UBE2W: variants seen among roughly 807,000 people sequenced by gnomAD.
The protein encoded by UBE2W is ubiquitin-conjugating enzyme E2 W.
In UBE2W, 18 loss-of-function variants were observed where a neutral mutation model predicts 27.2. The ratio of observed to expected loss-of-function variants is 0.66; its 90% confidence interval spans 0.46 to 0.98. UBE2W has a LOEUF of 0.98. UBE2W is among the 50% of genes least tolerant of loss of function. The pLI, the probability that UBE2W is intolerant of heterozygous loss-of-function variation, is 0.00. For synonymous variants in UBE2W, 53 were observed against 57.2 expected (o/e 0.93, Z 0.33); for missense variants, 90 against 180.2 (o/e 0.50, Z 2.87).
intron 1 of UBE2W, among the ~76,000 whole-genome samples, chr8:73,844,948 T>C (rs374529479): frequency 6.6e-4 from 98 of 148,750 alleles, no homozygotes; most frequent in African/African-American, 2.4e-3. Context: ...CCCCTCCGCC[T>C]GGCAGCCGCC....
At chr8:73,835,384 C>G (rs1464103717) in intron 1 of UBE2W, among the ~76,000 whole-genome samples, 1 of 152,132 alleles carries the variant, frequency 6.6e-6, no homozygotes, top group Non-Finnish European at 1.5e-5. Context: ...CAGAGCTGAT[C>G]TGTGTGACCA....
At chr8:73,836,531 T>C (rs1016236677) in intron 1 of UBE2W, among the ~76,000 whole-genome samples, 1 of 152,192 alleles carries the variant, frequency 6.6e-6, no homozygotes, top group Admixed American at 6.5e-5. Flanking sequence ...AAGTCGTGAT[T>C]CTAAAAAACT....
intron 3 of UBE2W, among the ~76,000 whole-genome samples, chr8:73,817,259 C>T (rs1282558904): frequency 6.6e-6 from 1 of 152,050 alleles, no homozygotes; most frequent in African/African-American, 2.4e-5. Context: ...ACCCAGAAGG[C>T]GGAGGTTGCG....
chr8:73,795,726 T>G (rs1344812840), intron 5 of UBE2W: 1 of 917,866 alleles, frequency 1.1e-6, no homozygotes, highest in African/African-American at 1.8e-5. Context: ...ATTAGACGCC[T>G]TAAAATAAAT....
chr8:73,828,571 A>G (rs1355771131), intron 2 of UBE2W, among the ~76,000 whole-genome samples: 4 of 152,158 alleles, frequency 2.6e-5, no homozygotes, highest in African/African-American at 9.7e-5. Context: ...GTCAAACATG[A>G]TAGTATTCAT....
chr8:73,840,277 CT>C (rs1216686359), intron 1 of UBE2W, among the ~76,000 whole-genome samples: 1 of 151,574 alleles, frequency 6.6e-6, no homozygotes, highest in African/African-American at 2.4e-5. Flanking sequence ...GGGATGGTCT[CT>C]ATCTCCTGAC....
At chr8:73,823,365 G>A (rs1240154251) in intron 3 of UBE2W, among the ~76,000 whole-genome samples, 1 of 152,164 alleles carries the variant, frequency 6.6e-6, no homozygotes, top group Non-Finnish European at 1.5e-5. Flanking sequence ...TTGGTTTCAT[G>A]CTTACAGAAA....
At chr8:73,843,116 TA>T (rs1810615628) in intron 1 of UBE2W, among the ~76,000 whole-genome samples, 1 of 152,200 alleles carries the variant, frequency 6.6e-6, no homozygotes, top group Non-Finnish European at 1.5e-5. Flanking sequence ...ATGAAATGTC[TA>T]TAACAGTCAA....
intron 1 of UBE2W, among the ~76,000 whole-genome samples, chr8:73,857,980 T>C (rs62508057): frequency 1.1e-3 from 174 of 151,790 alleles, no homozygotes; most frequent in Middle Eastern, 6.8e-3. Context: ...ATCTCACCAC[T>C]TTGGAAGGCT....
chr8:73,837,368 C>G (rs55965541), intron 1 of UBE2W, among the ~76,000 whole-genome samples: 12,179 of 152,064 alleles, frequency 0.08, 577 homozygotes, highest in Middle Eastern at 0.16. Context: ...TAAAAATTAG[C>G]CAGGCGTGGT....
At chr8:73,848,149 C>T (rs1288440964) in intron 1 of UBE2W, among the ~76,000 whole-genome samples, 2 of 152,016 alleles carry the variant, frequency 1.3e-5, no homozygotes, top group Non-Finnish European at 2.9e-5. Flanking sequence ...TGCAGTGAGC[C>T]AAGATCGTGC....
intron 1 of UBE2W, among the ~76,000 whole-genome samples, chr8:73,845,034 A>AGCCCCCGCCCG (rs1810723584): frequency 7.1e-6 from 1 of 140,952 alleles, no homozygotes; most frequent in Admixed American, 6.9e-5. Flanking sequence ...CCGCCCGGCC[A>AGCCCCCGCCCG]GCCACCCCAT....
chr8:73,802,123 G>T (rs925696710), intron 5 of UBE2W, among the ~76,000 whole-genome samples: 3 of 152,184 alleles, frequency 2.0e-5, no homozygotes, highest in African/African-American at 7.2e-5. Flanking sequence ...CAGATTCTCT[G>T]AAGTTTAATA....
intron 1 of UBE2W, among the ~76,000 whole-genome samples, chr8:73,852,508 G>A (rs1811122728): frequency 1.3e-5 from 2 of 151,570 alleles, no homozygotes; most frequent in South Asian, 4.1e-4. Flanking sequence ...TGCCATAGAT[G>A]AAAAGCAGTA....
rs1037777979 is a variant in UBE2W, at chr8:73,795,723, G to A, written c.443-1608C>T. The A allele has an allele frequency of 2.6e-5, 23 of 878,768 alleles. No homozygotes were observed. The African/African-American group carries it at 3.5e-4, about 13-fold the overall frequency. 54.4% of individuals were successfully genotyped at this position (878,768 alleles called of 1,614,324 possible). A position where few individuals can be genotyped will look rare whatever the true frequency, so the allele number is the denominator to read the frequency against. ...ATAAATCATCCCTAATTCATTAGACGCCTTAAAATAAATAAGAATAGTATC... is the reference window on the plus strand; with the variant it reads ...ATAAATCATCCCTAATTCATTAGACACCTTAAAATAAATAAGAATAGTATC... On this transcript the variant is annotated intron_variant, in intron 5 of 5. Transcript: ENST00000602593.
intron 1 of UBE2W, among the ~76,000 whole-genome samples, chr8:73,861,471 T>TTA (rs1811531177): frequency 6.6e-6 from 1 of 152,104 alleles, no homozygotes; most frequent in Admixed American, 6.6e-5. Context: ...GCCCCTAAGA[T>TTA]TACTTCTGTT....
rs999753738 is a variant in UBE2W, at chr8:73,789,123, C to A, written c.*4979G>T. 1.0e-6 allele frequency: 1 copy of A among 984,908 alleles called. No individual in the cohort carries two copies. The highest frequency in any genetic ancestry group is 5.2e-4 in the Middle Eastern group (1 of 1,914). The allele number at this position is 984,908 out of a possible 1,614,324, so 61.0% of individuals were successfully genotyped here. On this transcript the variant is annotated 3_prime_UTR_variant, in exon 6 of 6. Coordinates refer to ENST00000602593, the MANE Select transcript of UBE2W (RefSeq NM_018299.6). ...AGGATAGAGAGCTAAGTTTCAAGTACATGTCTAGATTCTATGTGCCTCTAA... is the reference window on the plus strand; with the variant it reads ...AGGATAGAGAGCTAAGTTTCAAGTAAATGTCTAGATTCTATGTGCCTCTAA...
intron 1 of UBE2W, among the ~76,000 whole-genome samples, chr8:73,851,963 TAAA>T (rs1229715370): frequency 0.029 from 3,365 of 117,256 alleles, 183 homozygotes; most frequent in African/African-American, 0.099. Flanking sequence ...TTTTTTTTTT[TAAA>T]AAAAAAAAAA....
intron 1 of UBE2W, among the ~76,000 whole-genome samples, chr8:73,878,561 C>T (rs1215382568): frequency 6.6e-6 from 1 of 152,194 alleles, no homozygotes; most frequent in Non-Finnish European, 1.5e-5. Flanking sequence ...TCTTCCCCAA[C>T]CCTCCTTTAT....
Sources: allele counts gnomAD v4.1 joint callset (sites outside exome capture counted in the v4.1 genomes callset), GRCh38; gene constraint gnomAD v4.1.1; transcripts MANE v1.5; gene names NCBI Gene and HGNC (gene_info 2026-07-23, HGNC 2026-07-21).